FRY: variants seen among roughly 807,000 people sequenced by gnomAD.
FRY encodes FRY microtubule binding protein.
In FRY, 128 loss-of-function variants were observed where a neutral mutation model predicts 348.4. The observed-to-expected ratio is 0.37, with a 90% CI of 0.32 to 0.43. FRY has a LOEUF of 0.43. Ranked by LOEUF, FRY falls within the 20% of genes least tolerant of loss-of-function variation. The probability of loss-of-function intolerance (pLI) is 1.00; values close to 1 mark genes in which losing one functional copy is unlikely to be tolerated. For missense variants in FRY, 2,736 were observed against 3,695.2 expected (o/e 0.74, Z 6.73); for synonymous variants, 1,370 against 1,374.7 (o/e 1.00, Z 0.08).
At position 32,237,881 on chromosome 13, in the gene FRY, C is replaced by T; in HGVS notation, c.6313C>T (p.Leu2105=). Residue 2105 remains leucine (L), a synonymous_variant, in exon 44 of 61, where the codon CTG becomes TTG. Coordinates refer to ENST00000542859, the MANE Select transcript of FRY (RefSeq NM_023037.3). This position sits in a 1 kb window ranked among gnomAD's most constrained non-coding sequence, Gnocchi z 6.3. ...ADFSGLQQLL[L]KGFTSLTTTD... is the part of the protein sequence containing the mutation. ...CTTCTCCGGGCTGCAGCAGCTGCTG[C>T]TGAAAGGATTCACATCCCTCACCAC... 1 of 1,614,172 alleles carries T rather than the reference C, an allele frequency of 6.2e-7. No individual in the cohort carries two copies.
chr13:32,224,671 C>T (rs752147479), intron 37 of FRY, among the ~76,000 whole-genome samples: 40 of 152,170 alleles, frequency 2.6e-4, no homozygotes, highest in African/African-American at 8.4e-4. Context: ...TGAGAGGGAC[C>T]TTGTCTTTGA....
chr13:32,160,552 A>G (rs976075421), intron 16 of FRY, among the ~76,000 whole-genome samples: 5 of 152,232 alleles, frequency 3.3e-5, no homozygotes, highest in Non-Finnish European at 7.3e-5. Context: ...TTAAAAATAG[A>G]GAAGGAAATC....
In FRY at chr13:32,296,433, C is replaced by T. The variant is rs980921137; in HGVS notation, c.*973C>T. 5.2e-5 allele frequency: 8 copies of T among 152,446 alleles called. No individual in the cohort carries two copies. Among genetic ancestry groups the T allele is most frequent in the African/African-American group, 1.9e-4 (8 of 41,380 alleles). The allele number at this position is 152,446 out of a possible 1,614,324, so 9.4% of individuals were successfully genotyped here. A position where few individuals can be genotyped will look rare whatever the true frequency, so the allele number is the denominator to read the frequency against. On this transcript the variant is annotated 3_prime_UTR_variant, in exon 61 of 61. Coordinates refer to ENST00000542859, the MANE Select transcript of FRY (RefSeq NM_023037.3). ...TTATGTGTAATATATATGTAAAGGG[C>T]CATTCTTAAGTTCTCTCCTTAAACT...
Position 32,173,362 on chromosome 13 carries a change from A to G in FRY, c.2152-5A>G, listed in dbSNP as rs190623209. ...ATACAGAATGTTGTTCTTATTGCAT[A>G]ACAGCTCATCGCAAATGGCTCCAGT... is the stretch of plus-strand genomic sequence containing the variant. On this transcript the variant is annotated splice_region_variant and splice_polypyrimidine_tract_variant and intron_variant, in intron 18 of 60. Coordinates refer to ENST00000542859, the MANE Select transcript of FRY (RefSeq NM_023037.3). 7 of 1,608,046 alleles carry G rather than the reference A, an allele frequency of 4.4e-6. No homozygotes were observed. The highest frequency in any genetic ancestry group is 6.0e-6 in the Non-Finnish European group (7 of 1,176,108).
At chr13:32,178,565 T>C (rs1882508364) in intron 21 of FRY, 129 bp downstream of exon 21, 3 of 1,093,080 alleles carry the variant, frequency 2.7e-6, no homozygotes, top group East Asian at 2.4e-5. Context: ...ATTCTTAACA[T>C]TGAGTAAAAA....
chr13:32,227,490 A>G (rs531870564), intron 39 of FRY, among the ~76,000 whole-genome samples: 2 of 152,340 alleles, frequency 1.3e-5, no homozygotes, highest in South Asian at 4.1e-4. Context: ...TGATTATTAA[A>G]TAGGGGAAAA....
chr13:32,166,878 C>T (rs1881769562), intron 17 of FRY, among the ~76,000 whole-genome samples: 1 of 152,166 alleles, frequency 6.6e-6, no homozygotes, highest in Non-Finnish European at 1.5e-5. Flanking sequence ...AGCCCTTTCC[C>T]CTCCCTGGTC....
intron 17 of FRY, among the ~76,000 whole-genome samples, chr13:32,161,466 A>G (rs909473375): frequency 6.6e-6 from 1 of 152,246 alleles, no homozygotes; most frequent in Non-Finnish European, 1.5e-5. Context: ...AAGGTCGCTA[A>G]CAACCCAAAG....
intron 4 of FRY, among the ~76,000 whole-genome samples, chr13:32,119,908 CT>C (rs1476843052): frequency 6.6e-6 from 1 of 152,190 alleles, no homozygotes; most frequent in African/African-American, 2.4e-5. Flanking sequence ...ATGCAAGTTC[CT>C]TCTTAACGCG....
intron 51 of FRY, 27 bp downstream of exon 51, chr13:32,254,421 T>C (rs1566171750): frequency 6.3e-7 from 1 of 1,589,842 alleles, no homozygotes; most frequent in South Asian, 1.1e-5. Flanking sequence ...GTAAAAATAA[T>C]CCCCGCACCC....
chr13:32,176,182 T>C (rs2138229733), intron 20 of FRY, among the ~76,000 whole-genome samples: 1 of 152,310 alleles, frequency 6.6e-6, no homozygotes, highest in East Asian at 1.9e-4. Flanking sequence ...GCTACACAAA[T>C]ACATTCTTCC....
intron 28 of FRY, among the ~76,000 whole-genome samples, chr13:32,192,719 G>C (rs1323043628): frequency 1.4e-5 from 2 of 145,832 alleles, no homozygotes; most frequent in African/African-American, 2.5e-5. Flanking sequence ...ACAACTTTAA[G>C]AAGAGGCACC....
At chr13:32,037,373 T>G (rs1264120554) in intron 1 of FRY, among the ~76,000 whole-genome samples, 1 of 152,182 alleles carries the variant, frequency 6.6e-6, no homozygotes, top group Non-Finnish European at 1.5e-5. Flanking sequence ...TTTTTCTGTT[T>G]AGGAAACAGT....
intron 1 of FRY, chr13:32,061,224 T>A: frequency 1.9e-6 from 1 of 519,784 alleles, no homozygotes; most frequent in Non-Finnish European, 4.0e-6. Flanking sequence ...ATGCTGAGTA[T>A]GGGAGGACTC....
At chr13:32,211,494 T>C (rs1256102294) in intron 34 of FRY, among the ~76,000 whole-genome samples, 3 of 152,134 alleles carry the variant, frequency 2.0e-5, no homozygotes, top group Admixed American at 6.5e-5. Context: ...TTAGGGATCA[T>C]AGGGTTAATG....
intron 3 of FRY, among the ~76,000 whole-genome samples, chr13:32,109,154 A>G (rs375472): frequency 1 from 152,220 of 152,338 alleles, 76,051 homozygotes; most frequent in Non-Finnish European, 1. Flanking sequence ...AATTATATAA[A>G]AAGGATAAAC....
At chr13:32,293,132 C>A (rs1392179249) in intron 59 of FRY, among the ~76,000 whole-genome samples, 1 of 152,108 alleles carries the variant, frequency 6.6e-6, no homozygotes, top group Non-Finnish European at 1.5e-5. Flanking sequence ...ATGTCTAGAA[C>A]TGAATATTTC....
At chr13:32,158,779 A>T (rs896691378) in intron 16 of FRY, among the ~76,000 whole-genome samples, 3 of 151,908 alleles carry the variant, frequency 2.0e-5, no homozygotes, top group South Asian at 4.1e-4. Context: ...TTAGCCGGGC[A>T]TGGTGGCGTG....
At chr13:32,261,034 A>G (rs1311099684) in intron 51 of FRY, among the ~76,000 whole-genome samples, 2 of 152,252 alleles carry the variant, frequency 1.3e-5, no homozygotes, top group Non-Finnish European at 2.9e-5. Context: ...TGGCCTCTGC[A>G]TAGTGCATGA....
Sources: allele counts gnomAD v4.1 joint callset (sites outside exome capture counted in the v4.1 genomes callset), GRCh38; gene constraint gnomAD v4.1.1; non-coding constraint Gnocchi (gnomAD v3.1); transcripts MANE v1.5; gene names NCBI Gene and HGNC (gene_info 2026-07-23, HGNC 2026-07-21).